SORCS1: variants seen among roughly 807,000 people sequenced by gnomAD.
The protein encoded by SORCS1 is VPS10 domain-containing receptor SorCS1.
A neutral mutation model predicts 146.1 loss-of-function variants in SORCS1; 60 were observed. That is an observed-to-expected ratio of 0.41 (90% CI 0.33 to 0.51). SORCS1 has a LOEUF of 0.51. Among genes scored for constraint, SORCS1 ranks in the 20% least tolerant of loss-of-function variants. The pLI, the probability that SORCS1 is intolerant of heterozygous loss-of-function variation, is 0.21. For missense variants in SORCS1, 1,352 were observed against 1,487.6 expected, an observed-to-expected ratio of 0.91 and a Z score of 1.50; for synonymous variants, 637 against 584.0, an observed-to-expected ratio of 1.09 and a Z score of -1.31.
chr10:107,109,331 C>T (rs919239019), intron 1 of SORCS1, among the ~76,000 whole-genome samples: 3 of 152,378 alleles, frequency 2.0e-5, no homozygotes, highest in Middle Eastern at 3.4e-3. Context: ...CTTTCTCACA[C>T]ATCCTCCAAA....
chr10:106,839,838 T>C (rs1416790494), intron 2 of SORCS1, among the ~76,000 whole-genome samples: 2 of 152,312 alleles, frequency 1.3e-5, no homozygotes, highest in Non-Finnish European at 2.9e-5. Context: ...CTAAATCTAT[T>C]CTCCTTGTGC....
At chr10:106,784,971 A>T (rs780467855) in intron 3 of SORCS1, among the ~76,000 whole-genome samples, 2 of 152,216 alleles carry the variant, frequency 1.3e-5, no homozygotes, top group Non-Finnish European at 2.9e-5. Context: ...ATAGACATTA[A>T]TCCACTCTAA....
At chr10:107,024,746 T>TA (rs1958320881) in intron 1 of SORCS1, among the ~76,000 whole-genome samples, 1 of 152,222 alleles carries the variant, frequency 6.6e-6, no homozygotes, top group African/African-American at 2.4e-5. Flanking sequence ...ATTTTTGGAT[T>TA]ATTTTAAAGG....
chr10:106,828,058 A>G (rs1948375579), intron 3 of SORCS1, among the ~76,000 whole-genome samples: 1 of 152,216 alleles, frequency 6.6e-6, no homozygotes, highest in African/African-American at 2.4e-5. Context: ...AGCACCTGAA[A>G]TGCCTAATTT....
intron 24 of SORCS1, 82 bp downstream of exon 24, chr10:106,597,269 G>T: frequency 1.8e-6 from 2 of 1,087,364 alleles, no homozygotes; most frequent in Non-Finnish European, 1.4e-6. Flanking sequence ...TTACCATCTA[G>T]CCTTTTTATG....
At chr10:106,798,788 T>A (rs1476146678) in intron 3 of SORCS1, among the ~76,000 whole-genome samples, 5 of 152,210 alleles carry the variant, frequency 3.3e-5, no homozygotes, top group Non-Finnish European at 7.3e-5. Flanking sequence ...TTTATAATGC[T>A]TTGGGTATAT....
At chr10:107,166,976 C>T (rs1049072859), upstream of SORCS1, among the ~76,000 whole-genome samples, 1 of 152,204 alleles carries the variant, frequency 6.6e-6, no homozygotes, top group Admixed American at 6.5e-5. Context: ...TTTTCCTTCC[C>T]AGAATTTACA....
chr10:107,163,394 A>C (rs1969852109), intron 1 of SORCS1, among the ~76,000 whole-genome samples: 1 of 152,224 alleles, frequency 6.6e-6, no homozygotes, highest in African/African-American at 2.4e-5. Flanking sequence ...TCCTGCCCTG[A>C]AACTTGCATC....
At chr10:107,138,531 T>C (rs997811339) in intron 1 of SORCS1, among the ~76,000 whole-genome samples, 3 of 152,240 alleles carry the variant, frequency 2.0e-5, no homozygotes, top group East Asian at 1.9e-4. Flanking sequence ...ATCAATCTTT[T>C]ACCCATTCTT....
At chr10:106,737,710 C>CTA (rs1564914863) in intron 5 of SORCS1, among the ~76,000 whole-genome samples, 1 of 150,666 alleles carries the variant, frequency 6.6e-6, no homozygotes, top group Non-Finnish European at 1.5e-5. Context: ...CCACCCCCAC[C>CTA]AAAAAAGGAT....
chr10:106,694,868 G>A (rs747518300), intron 9 of SORCS1, among the ~76,000 whole-genome samples: 2 of 152,146 alleles, frequency 1.3e-5, no homozygotes, highest in Non-Finnish European at 2.9e-5. Context: ...TTTGCACTCA[G>A]CTGGGGTGAA....
intron 18 of SORCS1, among the ~76,000 whole-genome samples, chr10:106,633,338 T>C (rs1172290606): frequency 2.0e-5 from 3 of 152,172 alleles, no homozygotes; most frequent in Admixed American, 2.0e-4. Context: ...TCCTTTCCTC[T>C]AGCTATTTTG....
intron 1 of SORCS1, among the ~76,000 whole-genome samples, chr10:107,123,397 A>G (rs1245955869): frequency 6.6e-6 from 1 of 152,230 alleles, no homozygotes; most frequent in Non-Finnish European, 1.5e-5. Context: ...AATTCTTGAA[A>G]GTAAGTTCAA....
At chr10:106,964,629 G>A (rs1349954942) in intron 1 of SORCS1, among the ~76,000 whole-genome samples, 4 of 152,192 alleles carry the variant, frequency 2.6e-5, no homozygotes, top group African/African-American at 7.2e-5. Flanking sequence ...TGGGACTACA[G>A]GTGCGTGCCA....
At chr10:106,999,603 T>G (rs541224437) in intron 1 of SORCS1, among the ~76,000 whole-genome samples, 204 of 152,312 alleles carry the variant, frequency 1.3e-3, no homozygotes, top group African/African-American at 4.7e-3. Flanking sequence ...GAAATCACTT[T>G]GAGTTGACTT....
At chr10:106,617,764 C>G (rs1021918611) in intron 21 of SORCS1, among the ~76,000 whole-genome samples, 1 of 151,506 alleles carries the variant, frequency 6.6e-6, no homozygotes, top group African/African-American at 2.4e-5. Flanking sequence ...GCAGATTTCC[C>G]TTATTAGTCA....
chr10:106,810,984 A>G (rs1373686020), intron 3 of SORCS1, among the ~76,000 whole-genome samples: 1 of 149,076 alleles, frequency 6.7e-6, no homozygotes, highest in Non-Finnish European at 1.5e-5. Flanking sequence ...TCTGTCGCCC[A>G]GGCTGGAGTG....
At chr10:106,764,386 A>G (rs1449661989) in intron 4 of SORCS1, among the ~76,000 whole-genome samples, 1 of 152,218 alleles carries the variant, frequency 6.6e-6, no homozygotes, top group Non-Finnish European at 1.5e-5. Flanking sequence ...AAAGAAGGGA[A>G]TGGTATCAAA....
At chr10:107,065,482 C>A (rs1432681629) in intron 1 of SORCS1, among the ~76,000 whole-genome samples, 1 of 70,498 alleles carries the variant, frequency 1.4e-5, no homozygotes, top group African/African-American at 7.6e-5. Context: ...CCTCTCCTCT[C>A]CTCTCCTCTC....
Sources: gnomAD v4.1 joint callset for allele counts (sites outside exome capture counted in the v4.1 genomes callset) on GRCh38, gnomAD v4.1.1 for gene constraint, MANE v1.5 for transcripts, NCBI Gene and HGNC (gene_info 2026-07-23, HGNC 2026-07-21) for gene names.